The following NBPF12 variants were observed in gnomAD, a reference collection of about 807,000 sequenced individuals.
The protein encoded by NBPF12 is NBPF member 12, also known as NBPF family member NBPF12.
In NBPF12, 115 loss-of-function variants were observed where a neutral mutation model predicts 146.4. The ratio of observed to expected loss-of-function variants is 0.79; its 90% CI spans 0.68 to 0.92. The LOEUF is 0.92. Among genes scored for constraint, NBPF12 ranks in the 40% least tolerant of loss-of-function variants. The pLI is 0.00. For missense variants in NBPF12, 1,205 were observed against 1,326.8 expected (o/e 0.91, Z 1.43); for synonymous variants, 385 against 508.9 (o/e 0.76, Z 3.28).
At chr1:146,948,050 C>T (rs1655148674), upstream of NBPF12, among the ~76,000 whole-genome samples, 1 of 151,648 alleles carries the variant, frequency 6.6e-6, no homozygotes, top group Non-Finnish European at 1.5e-5. Context: ...TTTCTCTTTT[C>T]CTTGGGCTCG....
intron 8 of NBPF12, among the ~76,000 whole-genome samples, chr1:146,965,421 G>C (rs1656122772): frequency 6.6e-6 from 1 of 150,508 alleles, no homozygotes; most frequent in South Asian, 2.1e-4. Context: ...GATGGGCTGA[G>C]ATGATCCTCC....
At chr1:146,984,749 T>C in intron 21 of NBPF12, 64 bp from the exon 25 acceptor site, 2 of 821,716 alleles carry the variant, frequency 2.4e-6, no homozygotes, top group Non-Finnish European at 4.4e-6. Context: ...CCATGAAATC[T>C]AGCTGGGGCT....
At chr1:146,994,292 C>T (rs71618978) in intron 33 of NBPF12, 40 bp from the exon 37 acceptor site, 422,418 of 1,583,790 alleles carry the variant, frequency 0.27, 63,507 homozygotes, top group Admixed American at 0.51. Context: ...TGGTGTCTGA[C>T]TTTCCCTGGC....
At chr1:146,967,836 T>G (rs1656304698) in intron 9 of NBPF12, among the ~76,000 whole-genome samples, 1 of 150,726 alleles carries the variant, frequency 6.6e-6, no homozygotes, top group African/African-American at 2.5e-5. Flanking sequence ...TAAACACTAT[T>G]AGTTCTTCAT....
At chr1:146,954,778 A>C (rs1655490369) in intron 2 of NBPF12, among the ~76,000 whole-genome samples, 2 of 150,454 alleles carry the variant, frequency 1.3e-5, no homozygotes, top group Non-Finnish European at 3.0e-5. Flanking sequence ...TTTGTTGAAA[A>C]AAAAATAGAA....
In NBPF12 at chr1:146,965,115, T is replaced by C; in HGVS notation, c.778+11T>C. ...TAAACATTCTCCCAGGTAGCCTCTA[T>C]TTTCCTTGTGTCTCATACCTCTGTC... On this transcript the variant is annotated intron_variant, in intron 8 of 33. Transcript: ENST00000617844. 6.6e-7 allele frequency: 1 copy of C among 1,513,360 alleles called. No homozygotes were observed. Among genetic ancestry groups the C allele is most frequent in the East Asian group, 2.3e-5 (1 of 44,444 alleles). 93.7% of individuals were successfully genotyped at this position (1,513,360 alleles called of 1,614,324 possible). A position where few individuals can be genotyped will look rare whatever the true frequency, so the allele number is the denominator to read the frequency against.
chr1:146,949,019 C>G (rs1655203099), upstream of NBPF12, among the ~76,000 whole-genome samples: 2 of 151,824 alleles, frequency 1.3e-5, no homozygotes, highest in African/African-American at 2.4e-5. Flanking sequence ...GACATTTGTT[C>G]ACGTGTTTAC....
At chr1:146,994,745 G>A in exon 34 of NBPF12, 1 of 1,143,572 alleles carries the variant, frequency 8.7e-7, no homozygotes, top group South Asian at 1.5e-5. Flanking sequence ...TGCTCAGTCT[G>A]AAGACAATGG....
Position 146,978,260 on chromosome 1 carries a change from ATT to A in NBPF12, c.2398+610_2398+611del, listed in dbSNP as rs1187524068. Among the ~76,000 whole-genome samples the A allele has an allele frequency of 4.2e-3, 355 of 83,628 alleles. 1 individual carries two copies. Among genetic ancestry groups the A allele is most frequent in the Middle Eastern group, 0.011 (1 of 92 alleles). The allele number at this position is 83,628 out of a possible 152,430, so 54.9% of individuals were successfully genotyped here. A position where few individuals can be genotyped will look rare whatever the true frequency, so the allele number is the denominator to read the frequency against. ...CCAATGTTTGTTTGTAGCGTCGTAG[ATT>A]TTTTTTTTTTTTTTTTTTTTGCGAT... is the stretch of plus-strand genomic sequence containing the variant. On this transcript the variant is annotated intron_variant, in intron 18 of 33. Transcript: ENST00000617844.
exon 5 of NBPF12, chr1:146,962,173 G>A: frequency 1.9e-6 from 3 of 1,608,852 alleles, no homozygotes; most frequent in Non-Finnish European, 1.7e-6. Flanking sequence ...TATGAAGAGT[G>A]TAAAGACCTC....
At chr1:146,981,828 T>C (rs1267644010) in intron 19 of NBPF12, among the ~76,000 whole-genome samples, 1 of 150,918 alleles carries the variant, frequency 6.6e-6, no homozygotes, top group Non-Finnish European at 1.5e-5. Flanking sequence ...ATACCGTTTC[T>C]TGCACTTGAT....
In NBPF12 at chr1:146,963,318, G is replaced by C; in HGVS notation, c.493+9G>C. ...CCAAAAGCTCAGCCCAGGTAAGGTG[G>C]CCATAGGCCCTGATGACCCAAAACC... On this transcript the variant is annotated intron_variant, in intron 6 of 33. Coordinates refer to ENST00000617844, the Ensembl canonical transcript of NBPF12. 3 of 1,611,710 alleles carry C rather than the reference G, an allele frequency of 1.9e-6. No homozygotes were observed. The highest frequency in any genetic ancestry group is 2.5e-6 in the Non-Finnish European group (3 of 1,179,840).
exon 14 of NBPF12, chr1:146,972,771 G>T: frequency 1.6e-6 from 2 of 1,224,980 alleles, no homozygotes; most frequent in East Asian, 4.6e-5. Flanking sequence ...CACCTCTTCT[G>T]CCACAAACGT....
chr1:146,994,577 C>T (rs1658423275), exon 34 of NBPF12: 2 of 1,608,948 alleles, frequency 1.2e-6, no homozygotes, highest in East Asian at 4.5e-5. Context: ...CCACAATAAG[C>T]AGCCCTTACT....
chr1:146,949,218 C>T (rs1258531118), upstream of NBPF12: 2 of 151,896 alleles, frequency 1.3e-5, no homozygotes, highest in Non-Finnish European at 2.9e-5. Context: ...TGTACTTTGT[C>T]TCTGTGTCTC....
intron 13 of NBPF12, 44 bp from the exon 17 acceptor site, chr1:146,972,707 C>T (rs1656734720): frequency 1.4e-6 from 2 of 1,388,012 alleles, no homozygotes; most frequent in Non-Finnish European, 2.0e-6. Context: ...TATTTCATTT[C>T]ATCAGTTTTT....
At chr1:146,992,207 G>A (rs1485431714) in intron 31 of NBPF12, among the ~76,000 whole-genome samples, 161 bp downstream of exon 34, 1 of 130,384 alleles carries the variant, frequency 7.7e-6, no homozygotes, top group Non-Finnish European at 1.6e-5. Flanking sequence ...AGATACTTAG[G>A]TTTCCATTTC....
At chr1:146,961,325 G>A (rs1433138541) in intron 4 of NBPF12, among the ~76,000 whole-genome samples, 1 of 151,376 alleles carries the variant, frequency 6.6e-6, no homozygotes, top group Non-Finnish European at 1.5e-5. Context: ...CCCTCAGCCT[G>A]TCTCCTGGGC....
chr1:146,962,915 G>A (rs1285781855), intron 5 of NBPF12, among the ~76,000 whole-genome samples, 180 bp from the exon 9 acceptor site: 8 of 151,174 alleles, frequency 5.3e-5, no homozygotes, highest in African/African-American at 2.0e-4. Flanking sequence ...CTCTGATAGA[G>A]GGAAAGCCTG....
Sources: gnomAD v4.1 joint callset for allele counts (sites outside exome capture counted in the v4.1 genomes callset) on GRCh38, gnomAD v4.1.1 for gene constraint, MANE v1.5 for transcripts, NCBI Gene and HGNC (gene_info 2026-07-23, HGNC 2026-07-21) for gene names.